IFNAR1: variants seen among roughly 807,000 people sequenced by gnomAD.
IFNAR1 encodes the protein interferon alpha/beta receptor 1.
In IFNAR1, 47 loss-of-function variants were observed where a neutral mutation model predicts 62.1. That is an observed-to-expected ratio of 0.76 (90% CI 0.60 to 0.97). IFNAR1 has a LOEUF of 0.97. Among genes scored for constraint, IFNAR1 ranks in the 50% least tolerant of loss-of-function variants. The probability of loss-of-function intolerance (pLI) is 0.00; values close to 1 mark genes in which losing one functional copy is unlikely to be tolerated. For synonymous variants in IFNAR1, 219 were observed against 226.9 expected (o/e 0.97, Z 0.31); for missense variants, 638 against 654.5 (o/e 0.97, Z 0.27).
chr21:33,350,826 T>G (rs2083391029), intron 8 of IFNAR1, among the ~76,000 whole-genome samples: 1 of 152,248 alleles, frequency 6.6e-6, no homozygotes, highest in African/African-American at 2.4e-5. Context: ...CAGATGTCTG[T>G]AGATCAGACA....
At position 33,355,372 on chromosome 21, in the gene IFNAR1, C is replaced by A. The variant is rs760474462; in HGVS notation, c.1497C>A (p.Ile499=). The part of the protein sequence containing the change: ...NLLLSTSEEQ[I]EKCFIIENIS... ...TGCTTTCAACTTCTGAGGAACAAAT[C>A]GAAAAATGTTTCATAATTGAAAATA... The change falls in exon 11 of 11, where the codon ATC becomes ATA. Residue 499 remains isoleucine, a synonymous_variant. Coordinates refer to ENST00000270139, the MANE Select transcript of IFNAR1 (RefSeq NM_000629.3). The A allele has an allele frequency of 1.2e-6, 2 of 1,601,646 alleles. No homozygotes were observed. Among genetic ancestry groups the A allele is most frequent in the South Asian group, 1.1e-5 (1 of 88,574 alleles).
chr21:33,330,232 G>C (rs373870397), intron 1 of IFNAR1, among the ~76,000 whole-genome samples: 1 of 152,058 alleles, frequency 6.6e-6, no homozygotes, highest in Non-Finnish European at 1.5e-5. Context: ...GCTCCTTCTC[G>C]TCACAAAAGC....
At chr21:33,331,413 C>G (rs563296937) in intron 1 of IFNAR1, among the ~76,000 whole-genome samples, 3 of 152,278 alleles carry the variant, frequency 2.0e-5, no homozygotes, top group African/African-American at 7.2e-5. Context: ...GCTATGCATC[C>G]CAGGGCTGAG....
intron 6 of IFNAR1, among the ~76,000 whole-genome samples, chr21:33,348,338 C>G (rs1363887907): frequency 6.6e-6 from 1 of 152,122 alleles, no homozygotes; most frequent in Admixed American, 6.6e-5. Context: ...AGCCTGATGT[C>G]CCTGAATATG....
chr21:33,335,178 G>T (rs1425625444), intron 1 of IFNAR1: 9 of 544,556 alleles, frequency 1.7e-5, no homozygotes, highest in South Asian at 6.3e-5. Context: ...ATCAAATTGA[G>T]GCCATAAAAC....
Position 33,335,558 on chromosome 21 carries a change from G to A in IFNAR1, c.111G>A (p.Glu37=). Reference sequence around the variant, plus strand: ...ATCTAAAATCTCCTCAAAAAGTAGAGGTCGACATCATAGATGACAACTTTA... The same window carrying A: ...ATCTAAAATCTCCTCAAAAAGTAGAAGTCGACATCATAGATGACAACTTTA... ...GKNLKSPQKV[E]VDIIDDNFIL... Residue 37 remains glutamate (E), a synonymous_variant, in exon 2 of 11, where the codon GAG becomes GAA. Transcript: ENST00000270139. The A allele has an allele frequency of 6.2e-7, 1 of 1,604,584 alleles. No homozygotes were observed.
intron 3 of IFNAR1, among the ~76,000 whole-genome samples, chr21:33,343,038 C>T (rs373897082): frequency 3.3e-4 from 51 of 152,254 alleles, no homozygotes; most frequent in East Asian, 1.7e-3. Context: ...GCTCATTGAT[C>T]GCTTCATCTT....
In IFNAR1 at chr21:33,335,542, C is replaced by G; in HGVS notation, c.95C>G (p.Ser32Cys). The G allele has an allele frequency of 1.3e-6, 2 of 1,594,176 alleles. No individual in the cohort carries two copies. Among genetic ancestry groups the G allele is most frequent in the African/African-American group, 2.7e-5 (2 of 74,360 alleles). ...TTTATAGGTGGAAAAAATCTAAAAT[C>G]TCCTCAAAAAGTAGAGGTCGACATC... ...SAAAGGKNLK[S>C]PQKVEVDIID... is the part of the protein sequence containing the mutation. The change falls in exon 2 of 11, where the codon TCT (serine) becomes TGT (cysteine). Residue 32 changes from serine to cysteine, a missense_variant. By Grantham distance (112) the Ser-to-Cys change is moderately radical. Coordinates refer to ENST00000270139, the MANE Select transcript of IFNAR1 (RefSeq NM_000629.3).
At chr21:33,336,144 G>A (rs2083232485) in intron 2 of IFNAR1, among the ~76,000 whole-genome samples, 1 of 144,474 alleles carries the variant, frequency 6.9e-6, no homozygotes. Context: ...TCATTGTTCA[G>A]TTCCCACCTA....
chr21:33,327,683 A>C (rs1215931367), intron 1 of IFNAR1, among the ~76,000 whole-genome samples: 8 of 152,184 alleles, frequency 5.3e-5, no homozygotes, highest in Non-Finnish European at 8.8e-5. Context: ...ACCGGTCTGA[A>C]ATCAACTTAG....
intron 10 of IFNAR1, among the ~76,000 whole-genome samples, chr21:33,354,290 C>T (rs776771952): frequency 6.6e-5 from 10 of 152,160 alleles, no homozygotes; most frequent in Non-Finnish European, 1.2e-4. Context: ...TGCAGTGAGC[C>T]GAGGTCATGC....
intron 6 of IFNAR1, among the ~76,000 whole-genome samples, chr21:33,348,655 A>T (rs1313196497): frequency 6.6e-6 from 1 of 152,150 alleles, no homozygotes; most frequent in Non-Finnish European, 1.5e-5. Flanking sequence ...TACAAAAATT[A>T]GGCAGGCCTG....
chr21:33,335,611 C>T lies in IFNAR1; in HGVS notation c.164C>T (p.Ser55Phe), dbSNP rs757683855. ...FILRWNRSDE[S>F]VGNVTFSFDY... ...CTGAGGTGGAACAGGAGCGATGAGT[C>T]TGTCGGGAATGTGACTTTTTCATTC... Residue 55 changes from serine (S) to phenylalanine (F), a missense_variant, in exon 2 of 11, where the codon TCT becomes TTT. Transcript: ENST00000270139. 2 of 1,603,174 alleles carry T rather than the reference C, an allele frequency of 1.2e-6. No homozygotes were observed. The highest frequency in any genetic ancestry group is 1.7e-6 in the Non-Finnish European group (2 of 1,174,532).
In IFNAR1 at chr21:33,325,082, G is replaced by A. The variant is rs766429391; in HGVS notation, c.27G>A (p.Thr9=). The A allele has an allele frequency of 4.3e-6, 7 of 1,610,138 alleles. No homozygotes were observed. In the South Asian group the frequency reaches 6.6e-5, roughly 15 times the overall value. Residue 9 remains threonine (T), a synonymous_variant, in exon 1 of 11, where the codon ACG becomes ACA. Coordinates refer to ENST00000270139, the MANE Select transcript of IFNAR1 (RefSeq NM_000629.3). ...TGATGGTCGTCCTCCTGGGCGCGACGACCCTAGTGCTCGTCGCCGTGGCGC... is the reference window on the plus strand; with the variant it reads ...TGATGGTCGTCCTCCTGGGCGCGACAACCCTAGTGCTCGTCGCCGTGGCGC... MMVVLLGA[T]TLVLVAVAPW... is the part of the protein sequence containing the mutation.
chr21:33,342,750 G>A (rs150111134), intron 3 of IFNAR1, among the ~76,000 whole-genome samples: 2,646 of 150,916 alleles, frequency 0.018, 88 homozygotes, highest in African/African-American at 0.062. Context: ...CCAGCTACTC[G>A]GGAGGCTGAG....
At position 33,325,034 on chromosome 21, in the gene IFNAR1, T is replaced by C. The variant is rs755934388; in HGVS notation, c.-22T>C. 1.8e-5 allele frequency: 29 copies of C among 1,577,992 alleles called. No individual in the cohort carries two copies. The highest frequency in any genetic ancestry group is 3.4e-4 in the Middle Eastern group (2 of 5,942). On this transcript the variant is annotated 5_prime_UTR_variant, in exon 1 of 11. Coordinates refer to ENST00000270139, the MANE Select transcript of IFNAR1 (RefSeq NM_000629.3). ...TGCGCGTGCGCGAACATGTAACTGG[T>C]GGGATCTGCGGCGGCTCCCAGATGA...
intron 10 of IFNAR1, among the ~76,000 whole-genome samples, chr21:33,354,068 C>T (rs1278471662): frequency 1.3e-5 from 2 of 152,182 alleles, no homozygotes; most frequent in Non-Finnish European, 2.9e-5. Context: ...CTTGGCCAAG[C>T]GTGGTGGCTC....
At chr21:33,328,115 C>T (rs2083143653) in intron 1 of IFNAR1, among the ~76,000 whole-genome samples, 1 of 152,036 alleles carries the variant, frequency 6.6e-6, no homozygotes, top group Non-Finnish European at 1.5e-5. Flanking sequence ...TGTTTGTTTT[C>T]TTTCTGTTTT....
intron 6 of IFNAR1, among the ~76,000 whole-genome samples, chr21:33,348,607 G>A (rs1299193108): frequency 6.6e-6 from 1 of 152,126 alleles, no homozygotes; most frequent in East Asian, 1.9e-4. Flanking sequence ...TTCAAGACCA[G>A]CCTGGCCAAC....
Sources: gnomAD v4.1 joint callset for allele counts (sites outside exome capture counted in the v4.1 genomes callset) on GRCh38, gnomAD v4.1.1 for gene constraint, MANE v1.5 for transcripts, NCBI Gene and HGNC (gene_info 2026-07-23, HGNC 2026-07-21) for gene names.